SASH1: variants seen among roughly 807,000 people sequenced by gnomAD.
SASH1 encodes SAM and SH3 domain containing 1.
A neutral mutation model predicts 125.2 loss-of-function variants in SASH1; 44 were observed. That is an observed-to-expected ratio of 0.35 (90% CI 0.28 to 0.45). The LOEUF (loss-of-function observed/expected upper bound fraction) is 0.45. Among genes scored for constraint, SASH1 ranks in the 20% least tolerant of loss-of-function variants. The pLI is 1.00. For missense variants in SASH1, 1,426 were observed against 1,614.5 expected (o/e 0.88, Z 2.00); for synonymous variants, 639 against 649.1 (o/e 0.98, Z 0.24).
At chr6:148,433,592 G>A (rs999955045) in intron 2 of SASH1, among the ~76,000 whole-genome samples, 1 of 151,744 alleles carries the variant, frequency 6.6e-6, no homozygotes, top group African/African-American at 2.4e-5. Flanking sequence ...TTTCAGTAGA[G>A]ACAGGGTTTC....
the SASH1 span, among the ~76,000 whole-genome samples, chr6:148,201,566 C>T: frequency 2.0e-5 from 3 of 152,152 alleles, no homozygotes; most frequent in Non-Finnish European, 2.9e-5. Flanking sequence ...CTGCTGATCT[C>T]GGGGCACACT....
Position 148,548,500 on chromosome 6 carries a change from G to T in SASH1, c.3686G>T (p.Arg1229Ile), listed in dbSNP as rs61996289. ...GGCATCACAGAGGAGAGACACATAA[G>T]AAAGCTCCTATCTGCAGCCAGACTC... is the stretch of plus-strand genomic sequence containing the variant. ...EAGITEERHI[R>I]KLLSAARLFK... is the part of the protein sequence containing the mutation. The change falls in exon 20 of 20, where the codon AGA becomes ATA. Residue 1229 changes from arginine (R) to isoleucine (I), a missense_variant. This residue lies in a region of SASH1 where 634 missense variants were observed against 694.4 expected (regional missense o/e 0.91). Coordinates refer to ENST00000367467, the MANE Select transcript of SASH1 (RefSeq NM_015278.5). 1.7e-3 allele frequency: 2,689 copies of T among 1,614,094 alleles called. 36 individuals carry two copies. The African/African-American group carries it at 0.026, about 16-fold the overall frequency.
chr6:148,435,150 C>T (rs1238873266), intron 2 of SASH1, among the ~76,000 whole-genome samples: 1 of 151,964 alleles, frequency 6.6e-6, no homozygotes, highest in African/African-American at 2.4e-5. Context: ...ATCCCGAGGT[C>T]GGAAGTTGGA....
rs1367753430 is a variant in SASH1 at position 148,440,291 on chromosome 6, C to T, written c.336+57C>T. On this transcript the variant is annotated intron_variant, in intron 3 of 19. Coordinates refer to ENST00000367467, the MANE Select transcript of SASH1 (RefSeq NM_015278.5). ...GCTTCTGCCTTTTTTTTTTAAGTGACACTCTGTACAAATCAGATGAAGCCT... is the reference window on the plus strand; with the variant it reads ...GCTTCTGCCTTTTTTTTTTAAGTGATACTCTGTACAAATCAGATGAAGCCT... 6 of 1,605,402 alleles carry T rather than the reference C, an allele frequency of 3.7e-6. No homozygotes were observed. The Admixed American group carries it at 1.0e-4, about 27-fold the overall frequency.
At chr6:148,397,478 C>T (rs1248677514) in intron 2 of SASH1, among the ~76,000 whole-genome samples, 1 of 152,064 alleles carries the variant, frequency 6.6e-6, no homozygotes, top group Non-Finnish European at 1.5e-5. Flanking sequence ...GAGTGAGACT[C>T]CGTCTCAAAA....
At chr6:148,447,204 T>C (rs566144409) in intron 4 of SASH1, among the ~76,000 whole-genome samples, 14 of 152,324 alleles carry the variant, frequency 9.2e-5, no homozygotes, top group Admixed American at 2.6e-4. Flanking sequence ...TAGTTTCACT[T>C]TTTTTCATTA....
rs553634170 is a variant in SASH1, at chr6:148,550,484, A to G, written c.*1926A>G. 4.6e-5 allele frequency: 7 copies of G among 152,304 alleles called. No individual in the cohort carries two copies. The highest frequency in any genetic ancestry group is 1.2e-4 in the African/African-American group (5 of 41,580). The allele number at this position is 152,304 out of a possible 1,614,324, so 9.4% of individuals were successfully genotyped here. A position where few individuals can be genotyped will look rare whatever the true frequency, so the allele number is the denominator to read the frequency against. On this transcript the variant is annotated 3_prime_UTR_variant, in exon 20 of 20. Coordinates refer to ENST00000367467, the MANE Select transcript of SASH1 (RefSeq NM_015278.5). ...CTCAGGTGATGTATTTTTTTCATGCATTAGTATGCATTTTTAAAAAATAAT... is the reference window on the plus strand; with the variant it reads ...CTCAGGTGATGTATTTTTTTCATGCGTTAGTATGCATTTTTAAAAAATAAT...
At chr6:148,385,815 T>C (rs887426384) in intron 1 of SASH1, among the ~76,000 whole-genome samples, 4 of 152,202 alleles carry the variant, frequency 2.6e-5, no homozygotes, top group Non-Finnish European at 5.9e-5. Context: ...TCCTCAATAC[T>C]CTGCCTTGTG....
chr6:148,287,300 A>G (rs970826550), intron 1 of SASH1, among the ~76,000 whole-genome samples: 1 of 152,152 alleles, frequency 6.6e-6, no homozygotes, highest in Admixed American at 6.5e-5. Flanking sequence ...AATAGTCCCT[A>G]CGCCTTGGAA....
chr6:148,471,691 G>A (rs567064367), intron 6 of SASH1, among the ~76,000 whole-genome samples, 188 bp downstream of exon 6: 2 of 152,148 alleles, frequency 1.3e-5, no homozygotes, highest in East Asian at 1.9e-4. Flanking sequence ...TTTGTTTTAA[G>A]TCAAAGAAAA....
At chr6:148,406,953 G>A (rs925653543) in intron 2 of SASH1, among the ~76,000 whole-genome samples, 5 of 152,140 alleles carry the variant, frequency 3.3e-5, no homozygotes, top group Admixed American at 6.5e-5. Context: ...AGAATCAGGC[G>A]CTCCAAGGGT....
At chr6:148,507,813 C>A (rs951667330) in intron 8 of SASH1, among the ~76,000 whole-genome samples, 2 of 152,088 alleles carry the variant, frequency 1.3e-5, no homozygotes, top group African/African-American at 4.8e-5. Flanking sequence ...GAAGACTCAC[C>A]CAACAGGAGG....
Position 148,532,549 on chromosome 6 carries a change from C to T in SASH1, c.1565-248C>T, listed in dbSNP as rs867890418. On this transcript the variant is annotated intron_variant, in intron 13 of 19. Coordinates refer to ENST00000367467, the MANE Select transcript of SASH1 (RefSeq NM_015278.5). The surrounding 1 kb of genome is among the most constrained non-coding windows in gnomAD (Gnocchi z 4.7). ...CCTGCAGTGTCCTCCACGCGGGATC[C>T]TCCGTGCCACATGGATTCCCAGGTC... 2.0e-5 allele frequency among the ~76,000 whole-genome samples: 3 copies of T among 152,158 alleles called. No homozygotes were observed. Among genetic ancestry groups the T allele is most frequent in the Non-Finnish European group, 4.4e-5 (3 of 68,040 alleles).
chr6:148,525,417 A>G (rs558478088), intron 11 of SASH1, 52 bp downstream of exon 11: 9 of 1,328,430 alleles, frequency 6.8e-6, no homozygotes, highest in South Asian at 5.9e-5. Context: ...GATGAGGTTG[A>G]CAATAGTTCA....
the SASH1 span, among the ~76,000 whole-genome samples, chr6:148,234,841 A>G: frequency 4.0e-5 from 6 of 151,898 alleles, no homozygotes; most frequent in East Asian, 1.2e-3. Context: ...AAAAAAAAAA[A>G]AAGAAGGAGG....
chr6:148,502,286 C>T (rs1329102886), intron 8 of SASH1, among the ~76,000 whole-genome samples: 1 of 151,926 alleles, frequency 6.6e-6, no homozygotes, highest in Non-Finnish European at 1.5e-5. Flanking sequence ...GCAATGATGT[C>T]ACCAGCTAAT....
chr6:148,253,716 C>CA, the SASH1 span, among the ~76,000 whole-genome samples: 1 of 151,798 alleles, frequency 6.6e-6, no homozygotes, highest in Admixed American at 6.6e-5. Flanking sequence ...ACTAAAAATA[C>CA]AAAAAATTAG....
At chr6:148,522,053 T>C (rs1780847833) in intron 10 of SASH1, among the ~76,000 whole-genome samples, 1 of 152,228 alleles carries the variant, frequency 6.6e-6, no homozygotes, top group Non-Finnish European at 1.5e-5. Flanking sequence ...TAATTCTTCA[T>C]TGACATTGAG....
intron 1 of SASH1, among the ~76,000 whole-genome samples, chr6:148,282,034 T>C (rs1779356064): frequency 6.6e-6 from 1 of 152,020 alleles, no homozygotes; most frequent in Non-Finnish European, 1.5e-5. Context: ...AATGAAACCA[T>C]AAATTAGAAC....
Sources: gnomAD v4.1 joint callset for allele counts (sites outside exome capture counted in the v4.1 genomes callset) on GRCh38, gnomAD v4.1.1 for gene constraint, gnomAD v4.1.1 regional missense constraint, Gnocchi (gnomAD v3.1) non-coding constraint, MANE v1.5 for transcripts, NCBI Gene and HGNC (gene_info 2026-07-23, HGNC 2026-07-21) for gene names.